The following SCD5 variants were observed in gnomAD, a reference collection of about 807,000 sequenced individuals.
The protein encoded by SCD5 is stearoyl-CoA desaturase 5.
SCD5 carries 20 observed loss-of-function variants against 30.4 expected under a neutral mutation model. That is an observed-to-expected ratio of 0.66 (90% CI 0.46 to 0.96). The LOEUF is 0.96. Among genes scored for constraint, SCD5 ranks in the 40% least tolerant of loss-of-function variants. SCD5 has a pLI of 0.00. For missense variants in SCD5, 381 were observed against 443.3 expected (o/e 0.86, Z 1.26); for synonymous variants, 173 against 176.4 (o/e 0.98, Z 0.16).
chr4:82,725,153 C>T (rs919160352), intron 1 of SCD5, among the ~76,000 whole-genome samples: 2 of 152,160 alleles, frequency 1.3e-5, no homozygotes, highest in African/African-American at 4.8e-5. Flanking sequence ...TAATCTATAT[C>T]CTCGGAATAT....
intron 3 of SCD5, among the ~76,000 whole-genome samples, chr4:82,641,154 T>A (rs952968262): frequency 6.9e-6 from 1 of 145,904 alleles, no homozygotes; most frequent in Admixed American, 7.2e-5. Context: ...ACAGGGAGGC[T>A]GAGGCAGGAG....
intron 1 of SCD5, among the ~76,000 whole-genome samples, chr4:82,758,202 T>C (rs1721271839): frequency 6.6e-6 from 1 of 152,114 alleles, no homozygotes; most frequent in South Asian, 2.1e-4. Context: ...GTGTCTCACA[T>C]CTGTAATCCC....
intron 1 of SCD5, among the ~76,000 whole-genome samples, chr4:82,722,631 T>C (rs1720392055): frequency 6.9e-6 from 1 of 145,620 alleles, no homozygotes; most frequent in African/African-American, 2.6e-5. Context: ...CCAGGTGTGG[T>C]GGCAGGTGCC....
rs559391658 is a variant in SCD5, at chr4:82,709,538, T to A, written c.233-4125A>T. 1.6e-4 allele frequency among the ~76,000 whole-genome samples: 25 copies of A among 152,298 alleles called. No homozygotes were observed. In the South Asian group the frequency reaches 5.2e-3, roughly 32 times the overall value. ...GAAGGCTTTGCAGAAGAAACAAGAA[T>A]TTAGGCTAACACTTAAAAGATAAGA... is the stretch of plus-strand genomic sequence containing the variant. On this transcript the variant is annotated intron_variant, in intron 1 of 4. Coordinates refer to ENST00000319540, the MANE Select transcript of SCD5 (RefSeq NM_001037582.3).
At chr4:82,753,669 T>C (rs1410191768) in intron 1 of SCD5, among the ~76,000 whole-genome samples, 3 of 152,132 alleles carry the variant, frequency 2.0e-5, no homozygotes, top group Non-Finnish European at 4.4e-5. Flanking sequence ...ATGTAACCAA[T>C]GATATTTCTG....
At chr4:82,707,252 G>T (rs1719989694) in intron 1 of SCD5, among the ~76,000 whole-genome samples, 2 of 152,194 alleles carry the variant, frequency 1.3e-5, no homozygotes, top group African/African-American at 4.8e-5. Flanking sequence ...TAAATCAATA[G>T]AAACCAGAAT....
chr4:82,779,322 T>C (rs1273032100), intron 1 of SCD5, among the ~76,000 whole-genome samples: 1 of 152,076 alleles, frequency 6.6e-6, no homozygotes, highest in Non-Finnish European at 1.5e-5. Flanking sequence ...GCTTTGAAGA[T>C]GGAGGAAGGG....
At chr4:82,771,181 C>T (rs529220301) in intron 1 of SCD5, among the ~76,000 whole-genome samples, 1 of 152,278 alleles carries the variant, frequency 6.6e-6, no homozygotes, top group South Asian at 2.1e-4. Flanking sequence ...ATTGCCCAGA[C>T]TGGTCTCATA....
chr4:82,717,865 G>A (rs747396779), intron 1 of SCD5, among the ~76,000 whole-genome samples: 17 of 151,720 alleles, frequency 1.1e-4, no homozygotes, highest in Admixed American at 1.3e-4. Flanking sequence ...GCAGTGAGCC[G>A]AGGTGGTACC....
intron 3 of SCD5, among the ~76,000 whole-genome samples, chr4:82,642,122 T>A (rs971000792): frequency 2.0e-5 from 3 of 149,480 alleles, no homozygotes; most frequent in Admixed American, 6.7e-5. Context: ...TTTTTTTTTA[T>A]GAGTTCCATA....
At chr4:82,712,275 T>TATATATACAC (rs1720117208) in intron 1 of SCD5, among the ~76,000 whole-genome samples, 1 of 50,616 alleles carries the variant, frequency 2.0e-5, no homozygotes. Flanking sequence ...TATATATATA[T>TATATATACAC]ATATATATAT....
chr4:82,685,697 G>A (rs868739331), intron 2 of SCD5, among the ~76,000 whole-genome samples: 34 of 149,882 alleles, frequency 2.3e-4, no homozygotes, highest in African/African-American at 7.1e-4. Context: ...GGGTGACAGA[G>A]CAAGACTCTG....
At position 82,630,095 on chromosome 4, in the gene SCD5, GATGTCTGGC is replaced by G. The variant is rs1180958071; in HGVS notation, c.*1223_*1231del. 1.3e-5 allele frequency: 2 copies of G among 152,204 alleles called. No homozygotes were observed. Among genetic ancestry groups the G allele is most frequent in the Non-Finnish European group, 1.5e-5 (1 of 68,036 alleles). The allele number at this position is 152,204 out of a possible 1,614,324, so 9.4% of individuals were successfully genotyped here. On this transcript the variant is annotated 3_prime_UTR_variant, in exon 5 of 5. Transcript: ENST00000319540. ...CGAGAGCTTAATTTGAGCTTAATTT[GATGTCTGGC>G]ATGTCAGAGTTATACACCTTTAAGA...
intron 1 of SCD5, among the ~76,000 whole-genome samples, chr4:82,764,439 G>C: frequency 6.6e-6 from 1 of 151,922 alleles, no homozygotes; most frequent in East Asian, 1.9e-4. Context: ...TGAATTAGTT[G>C]AGCATTTTTC....
intron 1 of SCD5, among the ~76,000 whole-genome samples, chr4:82,735,349 C>T (rs187570427): frequency 1.6e-3 from 237 of 152,190 alleles, no homozygotes; most frequent in African/African-American, 5.4e-3. Flanking sequence ...TGTGTGGGCC[C>T]TATGGTGGGA....
In SCD5 at chr4:82,706,930, C is replaced by A. The variant is rs528109689; in HGVS notation, c.233-1517G>T. Among the ~76,000 whole-genome samples the A allele has an allele frequency of 2.6e-5, 4 of 152,342 alleles. No individual in the cohort carries two copies. The East Asian group carries it at 7.7e-4, about 29-fold the overall frequency. On this transcript the variant is annotated intron_variant, in intron 1 of 4. Transcript: ENST00000319540. ...TTCTGCTGAAGCTCTTGGGAGGAAA[C>A]CAACCCTCTGGTCATGACCCAAATG...
At chr4:82,711,250 G>A (rs146500518) in intron 1 of SCD5, among the ~76,000 whole-genome samples, 55 of 151,948 alleles carry the variant, frequency 3.6e-4, no homozygotes, top group African/African-American at 1.3e-3. Flanking sequence ...TGGTTCTGAT[G>A]AGGAGGCAGA....
chr4:82,686,199 T>A (rs1291055912), intron 2 of SCD5, among the ~76,000 whole-genome samples: 1 of 152,026 alleles, frequency 6.6e-6, no homozygotes, highest in Non-Finnish European at 1.5e-5. Flanking sequence ...AGGGATGGGG[T>A]CTCACTATGT....
intron 1 of SCD5, among the ~76,000 whole-genome samples, chr4:82,723,096 A>G (rs1182251481): frequency 6.6e-6 from 1 of 151,454 alleles, no homozygotes; most frequent in East Asian, 1.9e-4. Context: ...AAAAAAAAAA[A>G]AGGATTCTCT....
Sources: allele counts gnomAD v4.1 joint callset (sites outside exome capture counted in the v4.1 genomes callset), GRCh38; gene constraint gnomAD v4.1.1; transcripts MANE v1.5; gene names NCBI Gene and HGNC (gene_info 2026-07-23, HGNC 2026-07-21).